MROH1: variants seen among roughly 807,000 people sequenced by gnomAD.
MROH1 encodes the protein maestro heat like repeat family member 1, also known as maestro heat-like repeat-containing protein family member 1.
In MROH1, 117 loss-of-function variants were observed where a neutral mutation model predicts 116.5. The observed-to-expected ratio is 1.00, with a 90% CI of 0.86 to 1.17. The LOEUF (loss-of-function observed/expected upper bound fraction) is 1.17, where lower values mean the gene tolerates loss of function less well. Ranked by LOEUF, MROH1 falls within the 50% of genes most tolerant of loss-of-function variation. MROH1 has a pLI of 0.00. For missense variants in MROH1, 1,873 were observed against 1,338.5 expected (o/e 1.40, Z -6.23); for synonymous variants, 921 against 583.9 (o/e 1.58, Z -8.32).
intron 1 of MROH1, among the ~76,000 whole-genome samples, chr8:144,150,902 C>G (rs1213121464): frequency 3.3e-5 from 5 of 152,142 alleles, no homozygotes; most frequent in Non-Finnish European, 7.3e-5. Flanking sequence ...CCAAATGTTA[C>G]ATTTCCCAAG....
chr8:144,255,040 G>A (rs899578463), intron 34 of MROH1, 62 bp downstream of exon 34: 2 of 692,076 alleles, frequency 2.9e-6, no homozygotes, highest in East Asian at 2.7e-5. Context: ...CTGGGTGCCC[G>A]GGGGCAGGCC....
Position 144,242,428 on chromosome 8 carries a change from C to A in MROH1, c.2238C>A (p.His746Gln). ...GTGCTCTGATCCTGTGCTATGGGCA[C>A]GTGGCGGCCCGGGCCCCCCGGGAGC... ...VKSALILCYG[H>Q]VAARAPRELV... The change falls in exon 23 of 44, where the codon CAC becomes CAA. Residue 746 changes from histidine (H) to glutamine (Q), a missense_variant. His to Gln is a conservative substitution (Grantham distance 24). Transcript: ENST00000326134. 1 of 780,714 alleles carries A rather than the reference C, an allele frequency of 1.3e-6. No individual in the cohort carries two copies. The highest frequency in any genetic ancestry group is 1.7e-5 in the African/African-American group (1 of 59,272). 48.4% of individuals were successfully genotyped at this position (780,714 alleles called of 1,614,324 possible).
At chr8:144,203,946 C>T (rs1297817938) in intron 12 of MROH1, among the ~76,000 whole-genome samples, 2 of 152,116 alleles carry the variant, frequency 1.3e-5, no homozygotes, top group Non-Finnish European at 2.9e-5. Flanking sequence ...CTTTGTTTTC[C>T]CCATATTTCA....
chr8:144,155,142 G>A (rs1250189026), intron 1 of MROH1, among the ~76,000 whole-genome samples: 1 of 151,996 alleles, frequency 6.6e-6, no homozygotes, highest in Admixed American at 6.6e-5. Flanking sequence ...GTAGACACAG[G>A]GTTCCTCCAT....
chr8:144,241,542 T>TG, intron 22 of MROH1, 25 bp downstream of exon 22: 1 of 777,688 alleles, frequency 1.3e-6, no homozygotes, highest in Non-Finnish European at 2.4e-6. Context: ...GGTGCAGGGC[T>TG]GGGGACGGCT....
chr8:144,199,950 G>T (rs1830737760), intron 11 of MROH1, among the ~76,000 whole-genome samples: 1 of 152,198 alleles, frequency 6.6e-6, no homozygotes, highest in African/African-American at 2.4e-5. Flanking sequence ...AATGGGGATG[G>T]CTCTGGTCCG....
intron 32 of MROH1, 39 bp downstream of exon 32, chr8:144,249,068 G>T: frequency 1.4e-6 from 1 of 713,612 alleles, no homozygotes; most frequent in South Asian, 1.5e-5. Context: ...TCCAGGAGAA[G>T]GTGGGAGAGG....
At chr8:144,189,213 C>G (rs898563931) in intron 7 of MROH1, among the ~76,000 whole-genome samples, 1 of 152,184 alleles carries the variant, frequency 6.6e-6, no homozygotes, top group African/African-American at 2.4e-5. Flanking sequence ...GTCCCAGCAG[C>G]ACCCCCTTGG....
intron 14 of MROH1, among the ~76,000 whole-genome samples, chr8:144,228,252 A>G (rs1001633145): frequency 2.6e-5 from 4 of 152,236 alleles, no homozygotes; most frequent in African/African-American, 9.6e-5. Context: ...TTATGTTTAC[A>G]CTATACTGTA....
chr8:144,158,670 T>C (rs1474220336), intron 1 of MROH1, among the ~76,000 whole-genome samples: 2 of 152,210 alleles, frequency 1.3e-5, no homozygotes, highest in African/African-American at 4.8e-5. Flanking sequence ...CTCAGATATC[T>C]TTCTCTTATT....
rs370101798 is a variant in MROH1, at chr8:144,213,130, G to A, written c.1142-7470G>A. On this transcript the variant is annotated intron_variant, in intron 12 of 43. Transcript: ENST00000326134. ...CCGCGTCTGTTGCTTGAGTCACCAC[G>A]GCTGTTACATCCCGTGCTCTCCCTT... 8.2e-5 allele frequency: 63 copies of A among 768,946 alleles called. No individual in the cohort carries two copies. In the African/African-American group the frequency reaches 8.8e-4, roughly 11 times the overall value. 47.6% of individuals were successfully genotyped at this position (768,946 alleles called of 1,614,324 possible). A position where few individuals can be genotyped will look rare whatever the true frequency, so the allele number is the denominator to read the frequency against.
intron 22 of MROH1, chr8:144,242,116 GC>G: frequency 3.4e-6 from 2 of 589,244 alleles, no homozygotes; most frequent in East Asian, 5.8e-5. Context: ...TGCTACCTCG[GC>G]CCTTGGCCCT....
chr8:144,195,200 A>AAAAAAAAAAAAAAAAAG (rs1829554197), intron 10 of MROH1, among the ~76,000 whole-genome samples: 1 of 122,878 alleles, frequency 8.1e-6, no homozygotes, highest in Non-Finnish European at 1.8e-5. Flanking sequence ...GTCTTTAAAA[A>AAAAAAAAAAAAAAAAAG]AAAAAAAAAA....
rs374716403 is a variant in MROH1 at position 144,171,184 on chromosome 8, G to A, written c.168+2744G>A. Among the ~76,000 whole-genome samples the A allele has an allele frequency of 2.2e-4, 33 of 152,294 alleles. No homozygotes were observed. In the East Asian group the frequency reaches 4.1e-3, roughly 19 times the overall value. On this transcript the variant is annotated intron_variant, in intron 4 of 43. Coordinates refer to ENST00000326134, the MANE Select transcript of MROH1 (RefSeq NM_032450.3). Reference sequence around the variant, plus strand: ...AACAGCCCTGCTTCTGATGCCAGTCGCAAGCCCCAGGTGTGGCCTGTGCTT... The same window carrying A: ...AACAGCCCTGCTTCTGATGCCAGTCACAAGCCCCAGGTGTGGCCTGTGCTT...
At position 144,223,237 on chromosome 8, in the gene MROH1, G is replaced by T. The variant is rs1196107174; in HGVS notation, c.1338+7G>T. ...GCTGCCCCCCGAGCAGGAGGTAAGG[G>T]GCTGCCACCTTGCCTGCCTCCTAGG... On this transcript the variant is annotated splice_region_variant and intron_variant, in intron 14 of 43. Transcript: ENST00000326134. 3 of 1,594,136 alleles carry T rather than the reference G, an allele frequency of 1.9e-6. No individual in the cohort carries two copies. The highest frequency in any genetic ancestry group is 2.6e-6 in the Non-Finnish European group (3 of 1,171,278).
Position 144,247,628 on chromosome 8 carries a change from C to T in MROH1, c.3069C>T (p.Leu1023=), listed in dbSNP as rs1842122993. The T allele has an allele frequency of 2.0e-5, 15 of 767,048 alleles. No individual in the cohort carries two copies. The highest frequency in any genetic ancestry group is 3.4e-5 in the Admixed American group (2 of 58,530). The allele number at this position is 767,048 out of a possible 1,614,324, so 47.5% of individuals were successfully genotyped here. A position where few individuals can be genotyped will look rare whatever the true frequency, so the allele number is the denominator to read the frequency against. Residue 1023 remains leucine (L), a synonymous_variant, in exon 31 of 44, where the codon CTC becomes CTT. Transcript: ENST00000326134. ...GGCTCCTCAGCCTCAAGGACGGCCT[C>T]GTGCACCCTGACCCCGCCATTCTCT... ...AERLLSLKDG[L]VHPDPAILFH... is the part of the protein sequence containing the mutation.
At chr8:144,213,554 C>T (rs1259023889) in intron 12 of MROH1, 1 of 153,638 alleles carries the variant, frequency 6.5e-6, no homozygotes, top group Non-Finnish European at 1.4e-5. Context: ...TTTGGGAGGC[C>T]AAGGCAGGCA....
At position 144,239,190 on chromosome 8, in the gene MROH1, C is replaced by T. The variant is rs933635414; in HGVS notation, c.1591+11C>T. 6 of 756,572 alleles carry T rather than the reference C, an allele frequency of 7.9e-6. No homozygotes were observed. Among genetic ancestry groups the T allele is most frequent in the African/African-American group, 3.4e-5 (2 of 58,800 alleles). The allele number at this position is 756,572 out of a possible 1,614,324, so 46.9% of individuals were successfully genotyped here. ...AGTACGACGCCCATGGTGCGTGCCG[C>T]GCCGTACCCCACCTCCCCACTCCTG... On this transcript the variant is annotated intron_variant, in intron 16 of 43. Coordinates refer to ENST00000326134, the MANE Select transcript of MROH1 (RefSeq NM_032450.3).
chr8:144,242,447 C>T lies in MROH1; in HGVS notation c.2257C>T (p.Arg753Trp), dbSNP rs1841172709. Reference sequence around the variant, plus strand: ...TGGGCACGTGGCGGCCCGGGCCCCCCGGGAGCTGGTGCTGGCCAAGGTAGA... The same window carrying T: ...TGGGCACGTGGCGGCCCGGGCCCCCTGGGAGCTGGTGCTGGCCAAGGTAGA... ...CYGHVAARAP[R>W]ELVLAKVESD... Residue 753 changes from arginine (R) to tryptophan (W), a missense_variant, in exon 23 of 44, where the codon CGG becomes TGG. Coordinates refer to ENST00000326134, the MANE Select transcript of MROH1 (RefSeq NM_032450.3). The T allele has an allele frequency of 1.5e-5, 12 of 780,572 alleles. No individual in the cohort carries two copies. Among genetic ancestry groups the T allele is most frequent in the Non-Finnish European group, 2.2e-5 (9 of 417,834 alleles). 48.4% of individuals were successfully genotyped at this position (780,572 alleles called of 1,614,324 possible).
Sources: allele counts gnomAD v4.1 joint callset (sites outside exome capture counted in the v4.1 genomes callset), GRCh38; gene constraint gnomAD v4.1.1; transcripts MANE v1.5; gene names NCBI Gene and HGNC (gene_info 2026-07-23, HGNC 2026-07-21).